Variants in ANP32A observed in about 807,000 individuals in gnomAD.
ANP32A encodes the protein acidic leucine-rich nuclear phosphoprotein 32 family member A.
ANP32A carries 1 observed loss-of-function variant against 33.9 expected under a neutral mutation model. The observed-to-expected ratio is 0.03, with a 90% CI of 0.01 to 0.14. ANP32A has a LOEUF of 0.14. ANP32A is among the 10% of genes least tolerant of loss of function. ANP32A has a pLI of 1.00. For missense variants in ANP32A, 155 were observed against 306.0 expected (o/e 0.51, Z 3.68); for synonymous variants, 115 against 120.5 (o/e 0.95, Z 0.30).
intron 1 of ANP32A, among the ~76,000 whole-genome samples, chr15:68,793,378 T>C (rs1894022507): frequency 6.6e-6 from 1 of 152,138 alleles, no homozygotes; most frequent in Non-Finnish European, 1.5e-5. Context: ...CATAAGCCCC[T>C]GAGAGGCAGG....
intron 1 of ANP32A, among the ~76,000 whole-genome samples, chr15:68,809,408 A>C (rs1596074345): frequency 6.6e-6 from 1 of 152,196 alleles, no homozygotes; most frequent in African/African-American, 2.4e-5. Flanking sequence ...TCTTATGTGG[A>C]CTGCCCAAGC....
At position 68,779,998 on chromosome 15, in the gene ANP32A, C is replaced by T; in HGVS notation, c.*83G>A. ...TCAGAAAAAAATAAGTTTCAGGGGGCAGGATTGGAGGGGGGGGGGAGAGGG... is the reference window on the plus strand; with the variant it reads ...TCAGAAAAAAATAAGTTTCAGGGGGTAGGATTGGAGGGGGGGGGGAGAGGG... On this transcript the variant is annotated 3_prime_UTR_variant, in exon 7 of 7. Coordinates refer to ENST00000465139, the MANE Select transcript of ANP32A (RefSeq NM_006305.4). 1.7e-6 allele frequency: 2 copies of T among 1,204,024 alleles called. No individual in the cohort carries two copies. Among genetic ancestry groups the T allele is most frequent in the Middle Eastern group, 2.7e-4 (1 of 3,760 alleles). 74.6% of individuals were successfully genotyped at this position (1,204,024 alleles called of 1,614,324 possible). A position where few individuals can be genotyped will look rare whatever the true frequency, so the allele number is the denominator to read the frequency against.
At chr15:68,817,392 G>A (rs1352320799) in intron 1 of ANP32A, 2 of 152,436 alleles carry the variant, frequency 1.3e-5, no homozygotes, top group Non-Finnish European at 2.9e-5. Context: ...TACCTTCCCG[G>A]AGAGCCCAGC....
chr15:68,796,353 T>A (rs943153430), intron 1 of ANP32A, among the ~76,000 whole-genome samples: 1 of 152,044 alleles, frequency 6.6e-6, no homozygotes, highest in African/African-American at 2.4e-5. Flanking sequence ...AGTGCTGGGA[T>A]TACAGGCGCC....
At chr15:68,804,610 G>A (rs1894188487) in intron 1 of ANP32A, among the ~76,000 whole-genome samples, 1 of 152,124 alleles carries the variant, frequency 6.6e-6, no homozygotes, top group Non-Finnish European at 1.5e-5. Flanking sequence ...TCGGTTCACT[G>A]CAACCTCTGA....
chr15:68,802,842 C>T (rs780731321), intron 1 of ANP32A, among the ~76,000 whole-genome samples: 5 of 151,124 alleles, frequency 3.3e-5, no homozygotes, highest in Non-Finnish European at 5.9e-5. Flanking sequence ...TTGGTAGAGA[C>T]GGGGTTTCAC....
intron 1 of ANP32A, among the ~76,000 whole-genome samples, chr15:68,800,516 T>G (rs547213349): frequency 1.9e-3 from 284 of 149,830 alleles, no homozygotes; most frequent in African/African-American, 6.9e-3. Context: ...AGGCCGAGGC[T>G]GGCGGATCAT....
intron 1 of ANP32A, among the ~76,000 whole-genome samples, chr15:68,815,359 A>G (rs1894366272): frequency 6.6e-6 from 1 of 152,196 alleles, no homozygotes; most frequent in South Asian, 2.1e-4. Flanking sequence ...AAAATCTAAC[A>G]CATTTCCACA....
intron 1 of ANP32A, among the ~76,000 whole-genome samples, chr15:68,788,345 CCCA>C (rs1417810675): frequency 6.6e-6 from 1 of 152,136 alleles, no homozygotes; most frequent in Non-Finnish European, 1.5e-5. Flanking sequence ...CCCCAATGCC[CCCA>C]CAAGACCCCC....
rs759049333 is a variant in ANP32A, at chr15:68,779,229, A to T, written c.*852T>A. 6 of 152,176 alleles carry T rather than the reference A, an allele frequency of 3.9e-5. No homozygotes were observed. The highest frequency in any genetic ancestry group is 7.4e-5 in the Non-Finnish European group (5 of 68,018). 9.4% of individuals were successfully genotyped at this position (152,176 alleles called of 1,614,324 possible). A position where few individuals can be genotyped will look rare whatever the true frequency, so the allele number is the denominator to read the frequency against. On this transcript the variant is annotated 3_prime_UTR_variant, in exon 7 of 7. Transcript: ENST00000465139. The stretch of plus-strand genomic sequence containing the variant: ...ACGTCTCCAGCGCTTAGGTCCGTAA[A>T]AATGTTCTAAGCACAGAAGTACATG...
rs553904457 is a variant in ANP32A at position 68,800,014 on chromosome 15, C to A, written c.55-12095G>T. 5.3e-5 allele frequency among the ~76,000 whole-genome samples: 8 copies of A among 152,266 alleles called. No individual in the cohort carries two copies. In the South Asian group the frequency reaches 1.7e-3, roughly 32 times the overall value. ...TCTCTAGATCATTATGGCTGTCTCA[C>A]AAAATAATGGGCTGCTCTGAAAACT... On this transcript the variant is annotated intron_variant, in intron 1 of 6. Coordinates refer to ENST00000465139, the MANE Select transcript of ANP32A (RefSeq NM_006305.4).
chr15:68,800,113 G>A (rs192881750), intron 1 of ANP32A, among the ~76,000 whole-genome samples: 1 of 152,288 alleles, frequency 6.6e-6, no homozygotes, highest in East Asian at 1.9e-4. Context: ...TACATAAAGA[G>A]TGCTGGATGC....
At chr15:68,816,767 G>A (rs1596077310) in intron 1 of ANP32A, among the ~76,000 whole-genome samples, 1 of 152,134 alleles carries the variant, frequency 6.6e-6, no homozygotes, top group Non-Finnish European at 1.5e-5. Flanking sequence ...GTGGCAGGAG[G>A]AATTCAAACC....
rs575067698 is a variant in ANP32A at position 68,780,477 on chromosome 15, G to A, written c.625-4C>T. ...CGTTATAACCTTCTTCATCCTCCTAGGAGAAAGGACAGACACCAGAACATT... is the reference window on the plus strand; with the variant it reads ...CGTTATAACCTTCTTCATCCTCCTAAGAGAAAGGACAGACACCAGAACATT... On this transcript the variant is annotated splice_region_variant and splice_polypyrimidine_tract_variant and intron_variant, in intron 5 of 6. Transcript: ENST00000465139. This position sits in a 1 kb window ranked among gnomAD's most constrained non-coding sequence, Gnocchi z 4.3. The A allele has an allele frequency of 1.2e-6, 2 of 1,613,898 alleles. No individual in the cohort carries two copies. Among genetic ancestry groups the A allele is most frequent in the South Asian group, 1.1e-5 (1 of 91,080 alleles).
intron 3 of ANP32A, among the ~76,000 whole-genome samples, chr15:68,786,994 C>A (rs1211579157): frequency 6.6e-6 from 1 of 152,150 alleles, no homozygotes; most frequent in Non-Finnish European, 1.5e-5. Flanking sequence ...CAGGGGCCAG[C>A]GACCCAAGGA....
rs572134149 is a variant in ANP32A, at chr15:68,782,359, G to T, written c.624+597C>A. Among the ~76,000 whole-genome samples the T allele has an allele frequency of 2.0e-5, 3 of 152,268 alleles. No individual in the cohort carries two copies. In the East Asian group the frequency reaches 5.8e-4, roughly 29 times the overall value. ...AAGCTATCATGATCCCTATTTTACA[G>T]ATGAAGAAATAGGCTCAGAAAGGTC... is the stretch of plus-strand genomic sequence containing the variant. On this transcript the variant is annotated intron_variant, in intron 5 of 6. Transcript: ENST00000465139.
In ANP32A at chr15:68,800,570, C is replaced by G. The variant is rs1894117988; in HGVS notation, c.55-12651G>C. On this transcript the variant is annotated intron_variant, in intron 1 of 6. Transcript: ENST00000465139. ...CCATTCTGGCTAACACGGTGAAACC[C>G]CGACTCTACTAAAAATACAAAAAAT... Among the ~76,000 whole-genome samples, 9 of 151,894 alleles carry G rather than the reference C, an allele frequency of 5.9e-5. No individual in the cohort carries two copies. The South Asian group carries it at 1.9e-3, about 32-fold the overall frequency.
At chr15:68,804,169 T>C (rs557272835) in intron 1 of ANP32A, among the ~76,000 whole-genome samples, 1 of 152,324 alleles carries the variant, frequency 6.6e-6, no homozygotes, top group South Asian at 2.1e-4. Context: ...AAAAGAAATG[T>C]AGCAGATTTT....
chr15:68,781,502 A>T (rs904623089), intron 5 of ANP32A: 3 of 149,482 alleles, frequency 2.0e-5, no homozygotes, highest in African/African-American at 7.4e-5. Context: ...CTAAGACTTT[A>T]TTTTTAAAAT....
Sources: allele counts gnomAD v4.1 joint callset (sites outside exome capture counted in the v4.1 genomes callset), GRCh38; gene constraint gnomAD v4.1.1; non-coding constraint Gnocchi (gnomAD v3.1); transcripts MANE v1.5; gene names NCBI Gene and HGNC (gene_info 2026-07-23, HGNC 2026-07-21).